HELZ: variants seen among roughly 807,000 people sequenced by gnomAD.
HELZ encodes helicase with zinc finger, also known as ATP-dependent RNA helicase with zinc finger domain.
In HELZ, 23 loss-of-function variants were observed where a neutral mutation model predicts 218.2. The ratio of observed to expected loss-of-function variants is 0.11; its 90% confidence interval spans 0.08 to 0.15. The LOEUF (loss-of-function observed/expected upper bound fraction) is 0.15, where lower values mean the gene tolerates loss of function less well. Ranked by LOEUF, HELZ falls within the 10% of genes least tolerant of loss-of-function variation. The pLI is 1.00. For missense variants in HELZ, 1,813 were observed against 2,353.7 expected (o/e 0.77, Z 4.75); for synonymous variants, 814 against 829.4 (o/e 0.98, Z 0.32).
At chr17:67,120,341 C>G (rs2037568676) in intron 27 of HELZ, 64 bp downstream of exon 27, 1 of 1,327,876 alleles carries the variant, frequency 7.5e-7, no homozygotes, top group Admixed American at 1.7e-5. Flanking sequence ...AAGGAACTTT[C>G]TATGTGGCTA....
chr17:67,172,207 C>G (rs1194482173), intron 13 of HELZ, among the ~76,000 whole-genome samples: 1 of 152,130 alleles, frequency 6.6e-6, no homozygotes, highest in African/African-American at 2.4e-5. Flanking sequence ...CTTGAGAAAG[C>G]AGATGTGAGC....
At chr17:67,207,609 T>G (rs953573286) in intron 5 of HELZ, among the ~76,000 whole-genome samples, 1 of 152,318 alleles carries the variant, frequency 6.6e-6, no homozygotes, top group East Asian at 1.9e-4. Context: ...CCAAAAACTT[T>G]CCTAAAAATT....
chr17:67,125,666 G>A (rs1334167663), intron 24 of HELZ, among the ~76,000 whole-genome samples: 1 of 152,048 alleles, frequency 6.6e-6, no homozygotes, highest in Non-Finnish European at 1.5e-5. Flanking sequence ...AGGCAGAATA[G>A]CCCCTGCAAA....
chr17:67,095,834 T>TAATTTA (rs1456991215), intron 31 of HELZ, among the ~76,000 whole-genome samples: 1 of 152,268 alleles, frequency 6.6e-6, no homozygotes, highest in African/African-American at 2.4e-5. Flanking sequence ...TTAAATTTTT[T>TAATTTA]AGCCAGAGAA....
At chr17:67,215,033 A>G (rs1292923638) in intron 5 of HELZ, among the ~76,000 whole-genome samples, 4 of 152,144 alleles carry the variant, frequency 2.6e-5, no homozygotes, top group Non-Finnish European at 5.9e-5. Flanking sequence ...AATCCCAGCT[A>G]CTTGCAAGGC....
At chr17:67,227,131 A>C (rs1487410409) in intron 3 of HELZ, among the ~76,000 whole-genome samples, 1 of 152,090 alleles carries the variant, frequency 6.6e-6, no homozygotes, top group Non-Finnish European at 1.5e-5. Context: ...CAATTTTACT[A>C]TATGCTAATT....
chr17:67,162,393 TCAAA>T (rs1243928727), intron 15 of HELZ, among the ~76,000 whole-genome samples: 2 of 152,322 alleles, frequency 1.3e-5, no homozygotes, highest in East Asian at 3.9e-4. Flanking sequence ...TTGCTAAATC[TCAAA>T]CATTTTATTT....
At chr17:67,172,084 C>T (rs1409793056) in intron 13 of HELZ, among the ~76,000 whole-genome samples, 2 of 152,140 alleles carry the variant, frequency 1.3e-5, no homozygotes, top group South Asian at 4.1e-4. Context: ...CCACCCACCT[C>T]GGCCTCCCAA....
At chr17:67,191,530 C>A (rs1287271642) in intron 9 of HELZ, among the ~76,000 whole-genome samples, 1 of 152,096 alleles carries the variant, frequency 6.6e-6, no homozygotes, top group Admixed American at 6.5e-5. Flanking sequence ...CGGCTCACTG[C>A]AGCCTCTGCC....
upstream of HELZ, chr17:67,245,270 G>T: frequency 1.1e-6 from 1 of 951,860 alleles, no homozygotes; most frequent in Non-Finnish European, 1.2e-6. Context: ...CGCCGCCGGC[G>T]CCGCCCCCTC....
At chr17:67,082,256 G>A (rs2036217290) in intron 32 of HELZ, among the ~76,000 whole-genome samples, 2 of 152,304 alleles carry the variant, frequency 1.3e-5, no homozygotes, top group South Asian at 4.1e-4. Context: ...TTGATCTTCA[G>A]ATATTTAGTG....
chr17:67,163,349 A>G (rs12103643), intron 15 of HELZ, among the ~76,000 whole-genome samples: 46 of 152,308 alleles, frequency 3.0e-4, no homozygotes, highest in African/African-American at 1.1e-3. Context: ...TAGAAAGCCA[A>G]TGAGTGGAAC....
At chr17:67,166,640 C>T (rs924344702) in intron 14 of HELZ, 32 bp from the exon 15 acceptor site, 2 of 1,608,220 alleles carry the variant, frequency 1.2e-6, no homozygotes, top group Non-Finnish European at 1.7e-6. Flanking sequence ...TTAAAAACTG[C>T]ATGAAAGCAA....
intron 13 of HELZ, among the ~76,000 whole-genome samples, chr17:67,178,394 G>T (rs1407931722): frequency 1.3e-5 from 2 of 152,026 alleles, no homozygotes; most frequent in East Asian, 1.9e-4. Flanking sequence ...TTATACTCCC[G>T]GCATCTGGCA....
In HELZ at chr17:67,178,830, T is replaced by C. The variant is rs1249173818; in HGVS notation, c.1259A>G (p.Glu420Gly). The stretch of plus-strand genomic sequence containing the variant: ...AAGGCTCTTCTCCAAATCAGTAGTT[T>C]CATTAGGTTCAAAATCTATAATAGT... ...SKTIIDFEPN[E>G]TTDLEKSLLI... The change falls in exon 13 of 33, where the codon GAA becomes GGA. Residue 420 changes from glutamate to glycine, a missense_variant. Glu to Gly is a moderately conservative substitution (Grantham distance 98). This residue lies in a region of HELZ where 714 missense variants were observed against 1,029.2 expected (regional missense o/e 0.69). Coordinates refer to ENST00000358691, the MANE Select transcript of HELZ (RefSeq NM_014877.4). 1.2e-6 allele frequency: 2 copies of C among 1,613,826 alleles called. No individual in the cohort carries two copies. The highest frequency in any genetic ancestry group is 2.7e-5 in the African/African-American group (2 of 75,016).
In HELZ at chr17:67,108,812, C is replaced by G; in HGVS notation, c.4490-86G>C. On this transcript the variant is annotated intron_variant, in intron 29 of 32. Transcript: ENST00000358691. This position sits in a 1 kb window ranked among gnomAD's most constrained non-coding sequence, Gnocchi z 4.1. ...GTTTTTTACTAACATATTTTCTCCACAAAGACAAAGGACGTAGCTACAAAT... is the reference window on the plus strand; with the variant it reads ...GTTTTTTACTAACATATTTTCTCCAGAAAGACAAAGGACGTAGCTACAAAT... The G allele has an allele frequency of 9.5e-7, 1 of 1,057,366 alleles. No homozygotes were observed. Among genetic ancestry groups the G allele is most frequent in the South Asian group, 1.7e-5 (1 of 59,550 alleles). The allele number at this position is 1,057,366 out of a possible 1,614,324, so 65.5% of individuals were successfully genotyped here.
chr17:67,231,166 C>T (rs1367894515), intron 3 of HELZ, among the ~76,000 whole-genome samples: 2 of 152,150 alleles, frequency 1.3e-5, no homozygotes, highest in Non-Finnish European at 1.5e-5. Flanking sequence ...GAGGCTATCA[C>T]AGCCCAAAAA....
At chr17:67,244,770 C>T (rs2041429109) in intron 1 of HELZ, 11 of 984,916 alleles carry the variant, frequency 1.1e-5, no homozygotes, top group Non-Finnish European at 1.2e-5. Context: ...CCCCCAGCCG[C>T]GACCCGGAGG....
chr17:67,119,993 CTTTTTTTT>C (rs56893875), intron 27 of HELZ: 82 of 161,970 alleles, frequency 5.1e-4, no homozygotes, highest in South Asian at 9.8e-4. Flanking sequence ...TCTCCCTTTT[CTTTTTTTT>C]TTTTTTTTTT....
Sources: allele counts gnomAD v4.1 joint callset (sites outside exome capture counted in the v4.1 genomes callset), GRCh38; gene constraint gnomAD v4.1.1; regional missense constraint gnomAD v4.1.1; non-coding constraint Gnocchi (gnomAD v3.1); transcripts MANE v1.5; gene names NCBI Gene and HGNC (gene_info 2026-07-23, HGNC 2026-07-21).